The following KCNK2 variants were observed in gnomAD, a reference collection of about 807,000 sequenced individuals.
KCNK2 encodes the protein potassium two pore domain channel subfamily K member 2.
In KCNK2, 21 loss-of-function variants were observed where a neutral mutation model predicts 40.5. The observed-to-expected ratio is 0.52, with a 90% CI of 0.37 to 0.75. KCNK2 has a LOEUF of 0.75. Ranked by LOEUF, KCNK2 falls within the 30% of genes least tolerant of loss-of-function variation. KCNK2 has a pLI of 0.00. For synonymous variants in KCNK2, 191 were observed against 202.2 expected (o/e 0.94, Z 0.47); for missense variants, 399 against 531.6 (o/e 0.75, Z 2.45).
rs376567893 is a variant in KCNK2 at position 215,234,792 on chromosome 1, C to G, written c.964-36C>G. On this transcript the variant is annotated intron_variant, in intron 6 of 6. Coordinates refer to ENST00000444842, the MANE Select transcript of KCNK2 (RefSeq NM_001017425.3). The stretch of plus-strand genomic sequence containing the variant: ...GCATAGAAAATGTTGATCGGCATGT[C>G]AATATCTTTATCTTTTCTCTGCTTG... 8.9e-5 allele frequency: 137 copies of G among 1,541,278 alleles called. 1 individual carries two copies. The highest frequency in any genetic ancestry group is 1.7e-4 in the Middle Eastern group (1 of 5,748).
intron 1 of KCNK2, among the ~76,000 whole-genome samples, chr1:215,006,427 C>T (rs1461300860): frequency 6.6e-6 from 1 of 152,082 alleles, no homozygotes; most frequent in East Asian, 1.9e-4. Context: ...AAAAAGGTGG[C>T]TTAGAATCTT....
Position 215,086,546 on chromosome 1 carries a change from C to T in KCNK2, c.225C>T (p.Ile75=). 16 of 1,614,138 alleles carry T rather than the reference C, an allele frequency of 9.9e-6. No individual in the cohort carries two copies. The highest frequency in any genetic ancestry group is 2.2e-5 in the South Asian group (2 of 91,082). ...TGGTGGTTGTCCTCTATCTGATCAT[C>T]GGAGCCACCGTGTTCAAAGCATTGG... ...IFLVVVLYLI[I]GATVFKALEQ... Residue 75 remains isoleucine, a synonymous_variant, in exon 2 of 7, where the codon ATC becomes ATT. Coordinates refer to ENST00000444842, the MANE Select transcript of KCNK2 (RefSeq NM_001017425.3).
At chr1:215,098,082 T>C (rs2102547071) in intron 2 of KCNK2, among the ~76,000 whole-genome samples, 1 of 152,152 alleles carries the variant, frequency 6.6e-6, no homozygotes, top group Admixed American at 6.6e-5. Context: ...TTTGTCTTCC[T>C]AGTAGTTTTG....
chr1:215,120,138 CAG>C (rs1380759463), intron 2 of KCNK2, among the ~76,000 whole-genome samples: 2 of 152,120 alleles, frequency 1.3e-5, no homozygotes, highest in African/African-American at 4.8e-5. Context: ...CACATGTTGC[CAG>C]ACACTACTGT....
At position 215,172,148 on chromosome 1, in the gene KCNK2, C is replaced by T; in HGVS notation, c.788C>T (p.Thr263Ile). The T allele has an allele frequency of 6.2e-7, 1 of 1,613,284 alleles. No individual in the cohort carries two copies. The highest frequency in any genetic ancestry group is 8.5e-7 in the Non-Finnish European group (1 of 1,179,600). Residue 263 changes from threonine to isoleucine, a missense_variant, in exon 5 of 7, where the codon ACT becomes ATT. Physicochemically the swap from Thr to Ile is moderately conservative, Grantham distance 89 (BLOSUM62 -1). This residue lies in a region of KCNK2 where 279 missense variants were observed against 353.8 expected (regional missense o/e 0.79). Transcript: ENST00000444842. ...GACGCCATTTATTTTGTGGTTATCA[C>T]TCTAACAACTATTGGATTTGGTGAC... ...ALDAIYFVVI[T>I]LTTIGFGDYV...
chr1:215,037,262 C>T (rs867900043), intron 1 of KCNK2, among the ~76,000 whole-genome samples: 28 of 151,782 alleles, frequency 1.8e-4, no homozygotes, highest in African/African-American at 6.3e-4. Flanking sequence ...GAAATGATTT[C>T]TCTATATCTA....
chr1:215,121,798 A>G (rs1661200057), intron 2 of KCNK2, among the ~76,000 whole-genome samples: 1 of 152,142 alleles, frequency 6.6e-6, no homozygotes, highest in South Asian at 2.1e-4. Flanking sequence ...TCTTCTCACT[A>G]TGTATTTTGT....
chr1:215,018,622 T>G (rs562386483), intron 1 of KCNK2, among the ~76,000 whole-genome samples: 1 of 152,072 alleles, frequency 6.6e-6, no homozygotes, highest in Admixed American at 6.5e-5. Context: ...AGATAGTATA[T>G]GTGCACAGTA....
At chr1:215,113,012 G>T (rs1660761769) in intron 2 of KCNK2, among the ~76,000 whole-genome samples, 1 of 152,148 alleles carries the variant, frequency 6.6e-6, no homozygotes, top group Non-Finnish European at 1.5e-5. Context: ...GTTCATGATA[G>T]TGATTTTATG....
intron 1 of KCNK2, among the ~76,000 whole-genome samples, chr1:215,071,386 C>T (rs1658752584): frequency 6.6e-6 from 1 of 152,126 alleles, no homozygotes; most frequent in African/African-American, 2.4e-5. Context: ...GTCAGAAGTG[C>T]TTTCTATAAT....
At chr1:215,024,071 G>A (rs145153415) in intron 1 of KCNK2, among the ~76,000 whole-genome samples, 5 of 152,236 alleles carry the variant, frequency 3.3e-5, no homozygotes, top group Admixed American at 6.5e-5. Flanking sequence ...CTTTATGGAT[G>A]GGGCATTTAT....
intron 6 of KCNK2, among the ~76,000 whole-genome samples, chr1:215,234,576 T>C (rs184280227): frequency 4.9e-4 from 75 of 152,254 alleles, no homozygotes; most frequent in Non-Finnish European, 1.0e-3. Flanking sequence ...CAAGCACATG[T>C]AGAGCCCCTG....
intron 1 of KCNK2, among the ~76,000 whole-genome samples, chr1:215,009,881 A>G (rs1234279249): frequency 6.6e-6 from 1 of 152,168 alleles, no homozygotes; most frequent in Non-Finnish European, 1.5e-5. Context: ...GAAGTTATTC[A>G]TATTTATTCA....
chr1:215,059,531 A>G (rs1035396937), intron 1 of KCNK2, among the ~76,000 whole-genome samples: 1 of 152,134 alleles, frequency 6.6e-6, no homozygotes, highest in Non-Finnish European at 1.5e-5. Flanking sequence ...TTCTACTTTC[A>G]ATGTACACAC....
chr1:215,150,107 G>C (rs370207875), intron 3 of KCNK2, among the ~76,000 whole-genome samples: 2 of 152,150 alleles, frequency 1.3e-5, no homozygotes, highest in Non-Finnish European at 2.9e-5. Flanking sequence ...TGCAGGAGGG[G>C]TTCAGATCCA....
chr1:215,119,805 C>T lies in KCNK2; in HGVS notation c.358-4828C>T, dbSNP rs190892050. ...AAAAAGTGAAATTTTATTATCTATT[C>T]GGTGATTATGTTACTTTAGCCACAT... On this transcript the variant is annotated intron_variant, in intron 2 of 6. Coordinates refer to ENST00000444842, the MANE Select transcript of KCNK2 (RefSeq NM_001017425.3). Among the ~76,000 whole-genome samples the T allele has an allele frequency of 2.3e-3, 344 of 152,124 alleles. 6 individuals carry two copies. The highest frequency in any genetic ancestry group is 0.019 in the Admixed American group (296 of 15,274).
rs557378181 is a variant in KCNK2, at chr1:215,222,999, C to T, written c.964-11829C>T. Among the ~76,000 whole-genome samples the T allele has an allele frequency of 6.6e-5, 10 of 151,826 alleles. No homozygotes were observed. The East Asian group carries it at 7.7e-4, about 12-fold the overall frequency. ...CAAAGCATTAAGGTATATAAGCATT[C>T]GAGCACTGAGAAAAGCAAATTAAAA... On this transcript the variant is annotated intron_variant, in intron 6 of 6. Transcript: ENST00000444842.
chr1:215,070,332 C>T (rs1027271133), intron 1 of KCNK2, among the ~76,000 whole-genome samples: 3 of 139,866 alleles, frequency 2.1e-5, no homozygotes, highest in African/African-American at 5.3e-5. Flanking sequence ...AGGAGAATGG[C>T]GTGAATCTGG....
intron 3 of KCNK2, among the ~76,000 whole-genome samples, chr1:215,155,814 A>G (rs1369193525): frequency 6.6e-6 from 1 of 152,122 alleles, no homozygotes; most frequent in Non-Finnish European, 1.5e-5. Flanking sequence ...CCACCACGCC[A>G]GGCCGAGATT....
Sources: allele counts gnomAD v4.1 joint callset (sites outside exome capture counted in the v4.1 genomes callset), GRCh38; gene constraint gnomAD v4.1.1; regional missense constraint gnomAD v4.1.1; transcripts MANE v1.5; gene names NCBI Gene and HGNC (gene_info 2026-07-23, HGNC 2026-07-21).